Variants in BNC2 observed in about 807,000 individuals in gnomAD.
BNC2 encodes zinc finger protein basonuclin-2.
In BNC2, 20 loss-of-function variants were observed where a neutral mutation model predicts 76.3. The ratio of observed to expected loss-of-function variants is 0.26; its 90% CI spans 0.18 to 0.38. The LOEUF (loss-of-function observed/expected upper bound fraction) is 0.38, where lower values mean the gene tolerates loss of function less well. BNC2 is among the 10% of genes least tolerant of loss of function. The pLI, the probability that BNC2 is intolerant of heterozygous loss-of-function variation, is 1.00. For missense variants in BNC2, 1,382 were observed against 1,399.8 expected (o/e 0.99, Z 0.20); for synonymous variants, 582 against 514.8 (o/e 1.13, Z -1.77).
intron 5 of BNC2, among the ~76,000 whole-genome samples, chr9:16,484,327 G>C (rs969270903): frequency 3.3e-5 from 5 of 152,170 alleles, no homozygotes; most frequent in Non-Finnish European, 5.9e-5. Context: ...GCCAGAGAGT[G>C]CTCGAGGCGA....
chr9:16,859,686 G>C (rs1344410629), intron 1 of BNC2, among the ~76,000 whole-genome samples: 3 of 152,192 alleles, frequency 2.0e-5, no homozygotes, highest in Non-Finnish European at 4.4e-5. Flanking sequence ...CTAGAATAGT[G>C]GTTTCCCAGG....
At chr9:16,818,348 G>A (rs1008179180) in intron 1 of BNC2, among the ~76,000 whole-genome samples, 6 of 152,160 alleles carry the variant, frequency 3.9e-5, no homozygotes, top group African/African-American at 1.2e-4. Flanking sequence ...AGCTTGTAGT[G>A]AGCCGACATG....
At chr9:16,870,004 A>C (rs1819637310) in intron 1 of BNC2, among the ~76,000 whole-genome samples, 1 of 152,180 alleles carries the variant, frequency 6.6e-6, no homozygotes, top group Admixed American at 6.5e-5. Flanking sequence ...CGTCTCTGCA[A>C]GGTTGATTTT....
intron 1 of BNC2, among the ~76,000 whole-genome samples, chr9:16,834,409 T>C (rs1224491259): frequency 2.0e-5 from 3 of 152,212 alleles, no homozygotes; most frequent in Admixed American, 1.3e-4. Flanking sequence ...TTTCCCTGTG[T>C]TGGTAGCAAT....
At chr9:16,629,985 T>C (rs900244476) in intron 3 of BNC2, among the ~76,000 whole-genome samples, 8 of 152,230 alleles carry the variant, frequency 5.3e-5, no homozygotes, top group African/African-American at 1.9e-4. Context: ...GTAGCATTGA[T>C]GCTTTGGATA....
chr9:16,761,469 A>C (rs563453272), intron 1 of BNC2, among the ~76,000 whole-genome samples: 1 of 152,376 alleles, frequency 6.6e-6, no homozygotes, highest in East Asian at 1.9e-4. Flanking sequence ...CTCTTCAAGA[A>C]ACTGATTCTA....
intron 3 of BNC2, among the ~76,000 whole-genome samples, chr9:16,584,314 A>T (rs1206471739): frequency 6.6e-6 from 1 of 152,192 alleles, no homozygotes; most frequent in Non-Finnish European, 1.5e-5. Flanking sequence ...AAACTGTCTC[A>T]TTTGTAACAG....
chr9:16,570,430 G>C (rs1819289090), intron 4 of BNC2, among the ~76,000 whole-genome samples: 1 of 152,064 alleles, frequency 6.6e-6, no homozygotes, highest in South Asian at 2.1e-4. Context: ...AAAATCTCTA[G>C]GCTATCACAC....
chr9:16,544,648 A>T (rs1818417040), intron 5 of BNC2, among the ~76,000 whole-genome samples: 1 of 151,806 alleles, frequency 6.6e-6, no homozygotes. Context: ...GTAAAACCCC[A>T]TCTCCACTAA....
At chr9:16,531,369 TG>T (rs907529995) in intron 5 of BNC2, among the ~76,000 whole-genome samples, 32 of 151,884 alleles carry the variant, frequency 2.1e-4, no homozygotes, top group East Asian at 1.4e-3. Context: ...AGCAGATTTC[TG>T]TTTGAGACGA....
At chr9:16,486,849 C>G (rs891896573) in intron 5 of BNC2, among the ~76,000 whole-genome samples, 6 of 152,112 alleles carry the variant, frequency 3.9e-5, no homozygotes, top group African/African-American at 1.4e-4. Flanking sequence ...CCTCAGCCTC[C>G]TGAGGAGCTG....
At chr9:16,472,858 T>C (rs1821854254) in intron 5 of BNC2, among the ~76,000 whole-genome samples, 1 of 152,202 alleles carries the variant, frequency 6.6e-6, no homozygotes, top group African/African-American at 2.4e-5. Flanking sequence ...TTGTGGATCG[T>C]GCCAACAGGC....
chr9:16,818,501 A>G (rs1333796060), intron 1 of BNC2, among the ~76,000 whole-genome samples: 1 of 152,226 alleles, frequency 6.6e-6, no homozygotes, highest in African/African-American at 2.4e-5. Flanking sequence ...GAGCTGCATG[A>G]GCTTAAGTGT....
chr9:16,464,002 G>A (rs942017893), intron 5 of BNC2, among the ~76,000 whole-genome samples: 5 of 145,360 alleles, frequency 3.4e-5, no homozygotes, highest in Non-Finnish European at 5.9e-5. Flanking sequence ...GCTGAAACAA[G>A]AGAATTGCTT....
intron 5 of BNC2, among the ~76,000 whole-genome samples, chr9:16,437,840 A>G (rs917235980): frequency 6.6e-6 from 1 of 152,224 alleles, no homozygotes; most frequent in African/African-American, 2.4e-5. Flanking sequence ...TCTATATACT[A>G]TGCAACTATT....
At chr9:16,462,174 A>T (rs1350633897) in intron 5 of BNC2, among the ~76,000 whole-genome samples, 1 of 152,090 alleles carries the variant, frequency 6.6e-6, no homozygotes, top group Admixed American at 6.6e-5. Flanking sequence ...GGATTTCCTC[A>T]CTCACGTTCT....
Position 16,412,167 on chromosome 9 carries a change from G to T in BNC2, c.*6822C>A, listed in dbSNP as rs1820474514. ...AGAATTTACCTTTTACTCATAGGGT[G>T]GTCCTTGTTTTAACGATTAAAGTCA... On this transcript the variant is annotated 3_prime_UTR_variant, in exon 7 of 7. Coordinates refer to ENST00000380672, the MANE Select transcript of BNC2 (RefSeq NM_017637.6). The T allele has an allele frequency of 6.6e-6, 1 of 152,568 alleles. No individual in the cohort carries two copies. Among genetic ancestry groups the T allele is most frequent in the Non-Finnish European group, 1.5e-5 (1 of 68,018 alleles). The allele number at this position is 152,568 out of a possible 1,614,324, so 9.5% of individuals were successfully genotyped here. A position where few individuals can be genotyped will look rare whatever the true frequency, so the allele number is the denominator to read the frequency against.
intron 3 of BNC2, among the ~76,000 whole-genome samples, chr9:16,642,073 G>A (rs542248780): frequency 6.6e-6 from 1 of 152,152 alleles, no homozygotes; most frequent in East Asian, 1.9e-4. Context: ...TGTTCTATAA[G>A]CCAAAATAAG....
Position 16,552,563 on chromosome 9 carries a change from A to C in BNC2, c.636T>G (p.Thr212=). The C allele has an allele frequency of 6.2e-7, 1 of 1,614,218 alleles. No homozygotes were observed. The highest frequency in any genetic ancestry group is 1.1e-5 in the South Asian group (1 of 91,082). ...TGTATCCTCGGACATAGTCCCGCAG[A>C]GTCCAGCCAAGGCCGTGCAGTATGT... is the stretch of plus-strand genomic sequence containing the variant. ...VLHILHGLGW[T]LRDYVRGYIL... is the part of the protein sequence containing the mutation. The change falls in exon 5 of 7, where the codon ACT becomes ACG. Residue 212 remains threonine (T), a synonymous_variant. Transcript: ENST00000380672.
Sources: gnomAD v4.1 joint callset for allele counts (sites outside exome capture counted in the v4.1 genomes callset) on GRCh38, gnomAD v4.1.1 for gene constraint, MANE v1.5 for transcripts, NCBI Gene and HGNC (gene_info 2026-07-23, HGNC 2026-07-21) for gene names.